Variants in DACH2 observed in about 807,000 individuals in gnomAD.
The protein encoded by DACH2 is dachshund family transcription factor 2.
In DACH2, 17 loss-of-function variants were observed where a neutral mutation model predicts 35.8. The observed-to-expected ratio is 0.48, with a 90% CI of 0.33 to 0.71. DACH2 has a LOEUF of 0.71. Among genes scored for constraint, DACH2 ranks in the 30% least tolerant of loss-of-function variants. The probability of loss-of-function intolerance (pLI) is 0.02; values close to 1 mark genes in which losing one functional copy is unlikely to be tolerated. For missense variants in DACH2, 469 were observed against 472.7 expected (o/e 0.99, Z 0.07); for synonymous variants, 195 against 177.3 (o/e 1.10, Z -0.79).
intron 7 of DACH2, among the ~76,000 whole-genome samples, chrX:86,800,602 A>G (rs761103351): frequency 2.1e-4 from 24 of 112,237 alleles, no homozygotes; most frequent in African/African-American, 7.4e-4. Context: ...TAATAGATAC[A>G]AACTTCTTTG....
At chrX:86,411,746 T>G (rs1036564993) in intron 2 of DACH2, among the ~76,000 whole-genome samples, 38 of 111,721 alleles carry the variant, frequency 3.4e-4, no homozygotes, top group African/African-American at 1.2e-3. Context: ...TCACGAAAAT[T>G]ACAGTCCCCG....
intron 1 of DACH2, among the ~76,000 whole-genome samples, chrX:86,309,266 G>T (rs1459399389): frequency 1.8e-5 from 2 of 112,000 alleles, no homozygotes; most frequent in East Asian, 5.6e-4. Flanking sequence ...TAACCAAGTG[G>T]TGACTCCAAT....
chrX:86,804,342 G>A (rs1044761898), intron 7 of DACH2, among the ~76,000 whole-genome samples: 8 of 111,356 alleles, frequency 7.2e-5, no homozygotes, highest in African/African-American at 2.3e-4. Flanking sequence ...CATGAGAACC[G>A]CACCAGGAGA....
intron 1 of DACH2, among the ~76,000 whole-genome samples, chrX:86,193,357 G>C (rs139682645): frequency 9.0e-6 from 1 of 111,460 alleles, no homozygotes; most frequent in African/African-American, 3.3e-5. Flanking sequence ...AGATAAGCAG[G>C]TTTTACTTAA....
intron 4 of DACH2, among the ~76,000 whole-genome samples, chrX:86,651,900 G>A (rs1404731582): frequency 2.7e-5 from 3 of 111,531 alleles, no homozygotes; most frequent in African/African-American, 9.8e-5. Flanking sequence ...AATGGATGAT[G>A]GAAGGATGGA....
At chrX:86,286,232 A>G (rs1358816745) in intron 1 of DACH2, among the ~76,000 whole-genome samples, 1 of 92,947 alleles carries the variant, frequency 1.1e-5, no homozygotes, top group Non-Finnish European at 2.1e-5. Flanking sequence ...GGTTCACGCC[A>G]TTCTCCTGCC....
chrX:86,320,774 A>G (rs2035001094), intron 1 of DACH2, among the ~76,000 whole-genome samples: 1 of 111,713 alleles, frequency 9.0e-6, no homozygotes, highest in Non-Finnish European at 1.9e-5. Context: ...TTCCAGGGCC[A>G]TTTCCTTCCT....
chrX:86,464,583 C>T (rs1283597657), intron 2 of DACH2, among the ~76,000 whole-genome samples: 1 of 110,929 alleles, frequency 9.0e-6, no homozygotes, highest in Non-Finnish European at 1.9e-5. Flanking sequence ...GGGCTTAAAA[C>T]CTAGATGATG....
chrX:86,667,521 G>GAA (rs1169149973), intron 4 of DACH2, among the ~76,000 whole-genome samples: 3 of 56,481 alleles, frequency 5.3e-5, no homozygotes, highest in African/African-American at 9.4e-5. Flanking sequence ...AAGAAAGAAA[G>GAA]AAAGAAAGAA....
chrX:86,611,984 T>TGG (rs2039951726), intron 3 of DACH2, among the ~76,000 whole-genome samples: 1 of 106,528 alleles, frequency 9.4e-6, no homozygotes, highest in Non-Finnish European at 1.9e-5. Context: ...TGTGTGTGTG[T>TGG]GGGTAGGGGG....
At chrX:86,237,640 C>G (rs1260672547) in intron 1 of DACH2, among the ~76,000 whole-genome samples, 1 of 111,418 alleles carries the variant, frequency 9.0e-6, no homozygotes, top group Non-Finnish European at 1.9e-5. Flanking sequence ...GCTACTGGCC[C>G]GAATCTCACA....
intron 4 of DACH2, among the ~76,000 whole-genome samples, chrX:86,654,397 T>C (rs188216854): frequency 1.6e-4 from 18 of 109,985 alleles, no homozygotes; most frequent in African/African-American, 5.3e-4. Context: ...AGGAAAATTA[T>C]TGAATGAAAT....
chrX:86,706,031 G>A (rs929899097), intron 5 of DACH2, among the ~76,000 whole-genome samples: 1 of 111,649 alleles, frequency 9.0e-6, no homozygotes. Flanking sequence ...TTAAAAGTGG[G>A]ATTTAAGCTA....
At chrX:86,618,411 C>A (rs2040031531) in intron 3 of DACH2, among the ~76,000 whole-genome samples, 1 of 111,711 alleles carries the variant, frequency 9.0e-6, no homozygotes, top group Non-Finnish European at 1.9e-5. Flanking sequence ...AAAAAGCTTT[C>A]TATGTTTGTT....
intron 1 of DACH2, among the ~76,000 whole-genome samples, chrX:86,207,551 TA>T (rs1372370690): frequency 9.0e-6 from 1 of 110,901 alleles, no homozygotes; most frequent in African/African-American, 3.3e-5. Flanking sequence ...TAGTAGAAAA[TA>T]AAAAATAAAA....
chrX:86,167,825 A>G (rs1401802816), intron 1 of DACH2, among the ~76,000 whole-genome samples: 1 of 111,266 alleles, frequency 9.0e-6, no homozygotes, highest in Non-Finnish European at 1.9e-5. Flanking sequence ...ATATTGCTTA[A>G]TTTCCATGTA....
intron 3 of DACH2, among the ~76,000 whole-genome samples, chrX:86,622,762 A>G (rs1434261943): frequency 5.4e-5 from 6 of 111,907 alleles, no homozygotes; most frequent in South Asian, 7.4e-4. Context: ...TTTGTTTAAA[A>G]TGTCTTAATA....
chrX:86,152,747 A>C (rs1193411736), intron 1 of DACH2, among the ~76,000 whole-genome samples: 3 of 111,771 alleles, frequency 2.7e-5, no homozygotes, highest in Non-Finnish European at 5.7e-5. Flanking sequence ...TATTTTTTAA[A>C]TGATGATAAA....
chrX:86,174,960 A>G (rs777640388), intron 1 of DACH2, among the ~76,000 whole-genome samples: 5 of 112,562 alleles, frequency 4.4e-5, no homozygotes, highest in Non-Finnish European at 9.4e-5. Flanking sequence ...CTGGGATTAC[A>G]GGTGTAAACC....
Sources: gnomAD v4.1 joint callset for allele counts (sites outside exome capture counted in the v4.1 genomes callset) on GRCh38, gnomAD v4.1.1 for gene constraint, MANE v1.5 for transcripts, NCBI Gene and HGNC (gene_info 2026-07-23, HGNC 2026-07-21) for gene names.